The following KIRREL3 variants were observed in gnomAD, a reference collection of about 807,000 sequenced individuals.
The protein encoded by KIRREL3 is kirre like nephrin family adhesion molecule 3.
In KIRREL3, 36 loss-of-function variants were observed where a neutral mutation model predicts 89.7. The observed-to-expected ratio is 0.40, with a 90% CI of 0.31 to 0.53. KIRREL3 has a LOEUF of 0.53. KIRREL3 is among the 20% of genes least tolerant of loss of function. The pLI is 0.49. For synonymous variants in KIRREL3, 445 were observed against 441.4 expected (o/e 1.01, Z -0.10); for missense variants, 864 against 1,056.6 (o/e 0.82, Z 2.53).
chr11:126,815,487 A>G (rs1951533966), intron 1 of KIRREL3, among the ~76,000 whole-genome samples: 2 of 152,218 alleles, frequency 1.3e-5, no homozygotes, highest in South Asian at 4.1e-4. Flanking sequence ...GAAAGCACAC[A>G]GTATCTGGCA....
At position 126,763,315 on chromosome 11, in the gene KIRREL3, G is replaced by A. The variant is rs923905480; in HGVS notation, c.56-200403C>T. 4.6e-5 allele frequency among the ~76,000 whole-genome samples: 7 copies of A among 152,208 alleles called. No individual in the cohort carries two copies. Among genetic ancestry groups the A allele is most frequent in the African/African-American group, 1.2e-4 (5 of 41,446 alleles). Reference sequence around the variant, plus strand: ...GCCTCATGGCTGAGGTGCCACTTTCGATACATAAAACAAGAGTCCACATCT... The same window carrying A: ...GCCTCATGGCTGAGGTGCCACTTTCAATACATAAAACAAGAGTCCACATCT... On this transcript the variant is annotated intron_variant, in intron 1 of 16. Transcript: ENST00000525144. This position sits in a 1 kb window ranked among gnomAD's most constrained non-coding sequence, Gnocchi z 4.7.
intron 1 of KIRREL3, among the ~76,000 whole-genome samples, chr11:126,721,773 A>G (rs1304719484): frequency 1.3e-5 from 2 of 152,166 alleles, no homozygotes; most frequent in African/African-American, 4.8e-5. Flanking sequence ...TACTGAAGGA[A>G]GGATGATAAC....
intron 1 of KIRREL3, among the ~76,000 whole-genome samples, chr11:126,798,929 C>G (rs1032442529): frequency 6.6e-6 from 1 of 152,180 alleles, no homozygotes; most frequent in Non-Finnish European, 1.5e-5. Context: ...ACAGTGGGCC[C>G]GCCACAGAGG....
rs1478485907 is a variant in KIRREL3, at chr11:126,710,899, A to G, written c.56-147987T>C. On this transcript the variant is annotated intron_variant, in intron 1 of 16. Coordinates refer to ENST00000525144, the MANE Select transcript of KIRREL3 (RefSeq NM_032531.4). This position sits in a 1 kb window ranked among gnomAD's most constrained non-coding sequence, Gnocchi z 4.2. ...TAATTAAACTTTAATTAATGTCTTG[A>G]CAGTAGTCTCAACCTGATAGGCCTC... Among the ~76,000 whole-genome samples, 2 of 152,204 alleles carry G rather than the reference A, an allele frequency of 1.3e-5. No individual in the cohort carries two copies. Among genetic ancestry groups the G allele is most frequent in the African/African-American group, 4.8e-5 (2 of 41,456 alleles).
At chr11:126,813,943 C>T (rs1046386806) in intron 1 of KIRREL3, among the ~76,000 whole-genome samples, 10 of 152,046 alleles carry the variant, frequency 6.6e-5, no homozygotes, top group Non-Finnish European at 1.2e-4. Flanking sequence ...AGCTTCTGTA[C>T]AGCGAAAGAA....
intron 1 of KIRREL3, among the ~76,000 whole-genome samples, chr11:126,884,536 A>C (rs1231313403): frequency 6.6e-6 from 1 of 152,206 alleles, no homozygotes; most frequent in Non-Finnish European, 1.5e-5. Context: ...GAGAGGTCTG[A>C]GGAAGGCTGA....
intron 1 of KIRREL3, among the ~76,000 whole-genome samples, chr11:126,932,771 C>A (rs1167177888): frequency 6.6e-6 from 1 of 152,200 alleles, no homozygotes; most frequent in Non-Finnish European, 1.5e-5. Flanking sequence ...ACTCAACCTA[C>A]AAAATTGTAA....
intron 1 of KIRREL3, among the ~76,000 whole-genome samples, chr11:126,661,174 T>C (rs769115033): frequency 2.0e-5 from 3 of 152,230 alleles, no homozygotes; most frequent in Non-Finnish European, 4.4e-5. Context: ...GATGGTGTCA[T>C]TTTTCTTATG....
At position 126,535,916 on chromosome 11, in the gene KIRREL3, C is replaced by T. The variant is rs1255427933; in HGVS notation, c.134-9229G>A. Among the ~76,000 whole-genome samples the T allele has an allele frequency of 6.6e-6, 1 of 152,066 alleles. No homozygotes were observed. The highest frequency in any genetic ancestry group is 1.5e-5 in the Non-Finnish European group (1 of 68,022). On this transcript the variant is annotated intron_variant, in intron 2 of 16. Transcript: ENST00000525144. The surrounding 1 kb of genome is among the most constrained non-coding windows in gnomAD (Gnocchi z 4.5). Reference sequence around the variant, plus strand: ...AGGAGAATCCATAGAACCTGGGAGGCGGAGGTTGCAGTGAGCCAAGATCGC... The same window carrying T: ...AGGAGAATCCATAGAACCTGGGAGGTGGAGGTTGCAGTGAGCCAAGATCGC...
In KIRREL3 at chr11:126,642,781, T is replaced by C. The variant is rs1051129910; in HGVS notation, c.56-79869A>G. Reference sequence around the variant, plus strand: ...AGGGGGATGGATGAAAGAATGTCTTTATGTCCCTTCAAGGGTTATGATTTT... The same window carrying C: ...AGGGGGATGGATGAAAGAATGTCTTCATGTCCCTTCAAGGGTTATGATTTT... On this transcript the variant is annotated intron_variant, in intron 1 of 16. Coordinates refer to ENST00000525144, the MANE Select transcript of KIRREL3 (RefSeq NM_032531.4). This position sits in a 1 kb window ranked among gnomAD's most constrained non-coding sequence, Gnocchi z 4.9. 6.6e-6 allele frequency among the ~76,000 whole-genome samples: 1 copy of C among 152,184 alleles called. No homozygotes were observed. Among genetic ancestry groups the C allele is most frequent in the Non-Finnish European group, 1.5e-5 (1 of 68,028 alleles).
In KIRREL3 at chr11:126,783,637, T is replaced by A. The variant is rs1395589013; in HGVS notation, c.55+216818A>T. Among the ~76,000 whole-genome samples the A allele has an allele frequency of 6.6e-6, 1 of 152,190 alleles. No individual in the cohort carries two copies. Among genetic ancestry groups the A allele is most frequent in the African/African-American group, 2.4e-5 (1 of 41,448 alleles). ...AATCCAAAGCAAGTCCATACTGATG[T>A]AAATAGATGACTGAAGGAATAAATA... On this transcript the variant is annotated intron_variant, in intron 1 of 16. Coordinates refer to ENST00000525144, the MANE Select transcript of KIRREL3 (RefSeq NM_032531.4). This position sits in a 1 kb window ranked among gnomAD's most constrained non-coding sequence, Gnocchi z 4.3.
intron 1 of KIRREL3, among the ~76,000 whole-genome samples, chr11:126,819,727 G>T (rs1943142113): frequency 6.6e-6 from 1 of 152,250 alleles, no homozygotes; most frequent in South Asian, 2.1e-4. Flanking sequence ...CTGTCAAGAG[G>T]ATTGTACCTG....
rs73032228 is a variant in KIRREL3, at chr11:126,890,261, C to T, written c.55+110194G>A. On this transcript the variant is annotated intron_variant, in intron 1 of 16. Coordinates refer to ENST00000525144, the MANE Select transcript of KIRREL3 (RefSeq NM_032531.4). The surrounding 1 kb of genome is among the most constrained non-coding windows in gnomAD (Gnocchi z 5.1). ...AGGGTCTTCTTCCTGAGCAGCCTTC[C>T]GAGAGTGCCTCATACCTAAGACAGT... Among the ~76,000 whole-genome samples, 15,657 of 152,134 alleles carry T rather than the reference C, an allele frequency of 0.1. 911 individuals are homozygous for T. The highest frequency in any genetic ancestry group is 0.13 in the Middle Eastern group (38 of 292).
intron 1 of KIRREL3, among the ~76,000 whole-genome samples, chr11:126,964,322 G>C (rs924631152): frequency 3.9e-5 from 6 of 152,132 alleles, no homozygotes; most frequent in Admixed American, 3.3e-4. Context: ...GGTGTCCACT[G>C]TCTGACATCT....
intron 1 of KIRREL3, among the ~76,000 whole-genome samples, chr11:126,618,116 A>T (rs538443959): frequency 6.6e-6 from 1 of 151,214 alleles, no homozygotes; most frequent in Non-Finnish European, 1.5e-5. Context: ...ATTGTGTAGC[A>T]CCTCCCCACT....
intron 1 of KIRREL3, among the ~76,000 whole-genome samples, chr11:126,929,134 T>C (rs1009304444): frequency 6.6e-6 from 1 of 152,118 alleles, no homozygotes; most frequent in Non-Finnish European, 1.5e-5. Context: ...TGACTGAGCG[T>C]GGTCAGAGGG....
At chr11:126,506,750 A>C (rs969181507) in intron 4 of KIRREL3, among the ~76,000 whole-genome samples, 8 of 152,026 alleles carry the variant, frequency 5.3e-5, no homozygotes, top group Admixed American at 5.2e-4. Flanking sequence ...CCACACACAG[A>C]CTTGTTTGTG....
At chr11:126,437,137 C>G (rs867621565) in intron 11 of KIRREL3, 128 bp from the exon 12 acceptor site, 9 of 834,190 alleles carry the variant, frequency 1.1e-5, no homozygotes, top group Non-Finnish European at 1.6e-5. Context: ...CATGTGCACA[C>G]GGGTATGTAT....
In KIRREL3 at chr11:126,981,191, G is replaced by A. The variant is rs1164217293; in HGVS notation, c.55+19264C>T. Among the ~76,000 whole-genome samples, 2 of 152,200 alleles carry A rather than the reference G, an allele frequency of 1.3e-5. No individual in the cohort carries two copies. Among genetic ancestry groups the A allele is most frequent in the Non-Finnish European group, 2.9e-5 (2 of 68,026 alleles). On this transcript the variant is annotated intron_variant, in intron 1 of 16. Transcript: ENST00000525144. The surrounding 1 kb of genome is among the most constrained non-coding windows in gnomAD (Gnocchi z 4.2). The stretch of plus-strand genomic sequence containing the variant: ...CTGTCACCTGGATTTTTAGACAAAA[G>A]AAGGAAAGCATGGCCCGTTGGACCA...
Sources: allele counts gnomAD v4.1 joint callset (sites outside exome capture counted in the v4.1 genomes callset), GRCh38; gene constraint gnomAD v4.1.1; non-coding constraint Gnocchi (gnomAD v3.1); transcripts MANE v1.5; gene names NCBI Gene and HGNC (gene_info 2026-07-23, HGNC 2026-07-21).